TNR: variants seen among roughly 807,000 people sequenced by gnomAD.
TNR encodes the protein tenascin-R.
A neutral mutation model predicts 150.4 loss-of-function variants in TNR; 45 were observed. That is an observed-to-expected ratio of 0.30 (90% CI 0.24 to 0.38). The LOEUF is 0.38. TNR is among the 10% of genes least tolerant of loss of function. TNR has a pLI of 1.00. For synonymous variants in TNR, 687 were observed against 678.4 expected (o/e 1.01, Z -0.20); for missense variants, 1,544 against 1,759.1 (o/e 0.88, Z 2.19).
At chr1:175,560,523 T>A (rs949085336) in intron 1 of TNR, among the ~76,000 whole-genome samples, 1 of 152,226 alleles carries the variant, frequency 6.6e-6, no homozygotes, top group Non-Finnish European at 1.5e-5. Context: ...TAACTAGCAA[T>A]CTGGTGGAAT....
intron 4 of TNR, among the ~76,000 whole-genome samples, chr1:175,399,793 G>A (rs1040862439): frequency 2.6e-5 from 4 of 152,064 alleles, no homozygotes; most frequent in Non-Finnish European, 5.9e-5. Flanking sequence ...GAGGAATCAG[G>A]GTTGCTTATC....
At chr1:175,667,536 T>C (rs947356337) in intron 1 of TNR, among the ~76,000 whole-genome samples, 1 of 152,170 alleles carries the variant, frequency 6.6e-6, no homozygotes, top group African/African-American at 2.4e-5. Flanking sequence ...AGGCCCTTCT[T>C]TGAGGAATTT....
chr1:175,595,175 AT>A (rs371324748), intron 1 of TNR, among the ~76,000 whole-genome samples: 236 of 152,314 alleles, frequency 1.5e-3, no homozygotes, highest in African/African-American at 5.4e-3. Context: ...TCAAAAAAAA[AT>A]TATTTTAGGA....
chr1:175,597,908 C>G (rs1663074775), intron 1 of TNR, among the ~76,000 whole-genome samples: 1 of 152,186 alleles, frequency 6.6e-6, no homozygotes, highest in Non-Finnish European at 1.5e-5. Context: ...CACTAGAGAA[C>G]AGAGAAGGGT....
intron 1 of TNR, among the ~76,000 whole-genome samples, chr1:175,602,068 C>A (rs1446202749): frequency 6.6e-6 from 1 of 152,050 alleles, no homozygotes; most frequent in African/African-American, 2.4e-5. Context: ...GTCAACCAGA[C>A]TCTCCTCTGA....
chr1:175,373,523 T>C (rs145151179), intron 9 of TNR, among the ~76,000 whole-genome samples: 1 of 152,282 alleles, frequency 6.6e-6, no homozygotes, highest in African/African-American at 2.4e-5. Flanking sequence ...TGGGTGTGCA[T>C]GATGTTCAAG....
intron 1 of TNR, among the ~76,000 whole-genome samples, chr1:175,709,309 A>G (rs1666931934): frequency 1.4e-5 from 1 of 70,746 alleles, no homozygotes; most frequent in Non-Finnish European, 2.7e-5. Context: ...ACACACACAT[A>G]CACACACACA....
At position 175,588,872 on chromosome 1, in the gene TNR, G is replaced by A. The variant is rs560180691; in HGVS notation, c.-164-60503C>T. On this transcript the variant is annotated intron_variant, in intron 1 of 22. Coordinates refer to ENST00000367674, the MANE Select transcript of TNR (RefSeq NM_003285.3). ...TTCTGGGCCAGTGCCTCTCCCATGA[G>A]CCCACAGTAATGCCTTAACTGGGAA... 2.4e-4 allele frequency among the ~76,000 whole-genome samples: 37 copies of A among 152,232 alleles called. No individual in the cohort carries two copies. In the East Asian group the frequency reaches 7.0e-3, roughly 29 times the overall value.
chr1:175,678,054 A>T (rs1011165197), intron 1 of TNR, among the ~76,000 whole-genome samples: 3 of 151,964 alleles, frequency 2.0e-5, no homozygotes, highest in Non-Finnish European at 2.9e-5. Flanking sequence ...ATGGGCATCA[A>T]TTATAAGACT....
At chr1:175,403,057 C>A in intron 4 of TNR, 83 bp downstream of exon 4, 1 of 1,210,790 alleles carries the variant, frequency 8.3e-7, no homozygotes, top group Non-Finnish European at 1.2e-6. Context: ...TCTCACTCAT[C>A]TTTCTTCCCA....
At chr1:175,335,630 A>C in intron 20 of TNR, 81 bp downstream of exon 20, 2 of 1,369,184 alleles carry the variant, frequency 1.5e-6, no homozygotes, top group Non-Finnish European at 2.0e-6. Context: ...GTTTCTGATA[A>C]TCTCAGATGG....
At chr1:175,474,177 GT>G (rs1382998617) in intron 2 of TNR, among the ~76,000 whole-genome samples, 6 of 152,174 alleles carry the variant, frequency 3.9e-5, no homozygotes, top group Non-Finnish European at 4.4e-5. Context: ...GAAGACACCA[GT>G]TATGGGCTAA....
intron 8 of TNR, among the ~76,000 whole-genome samples, chr1:175,381,087 C>T (rs890157493): frequency 1.3e-5 from 2 of 152,196 alleles, no homozygotes; most frequent in African/African-American, 4.8e-5. Context: ...ACTCACTGTA[C>T]TTTAGCTTGC....
intron 2 of TNR, among the ~76,000 whole-genome samples, chr1:175,455,927 T>C (rs2102098903): frequency 6.6e-6 from 1 of 152,290 alleles, no homozygotes; most frequent in South Asian, 2.1e-4. Flanking sequence ...ACTGGGGTGC[T>C]TTGAGAGTGA....
intron 6 of TNR, among the ~76,000 whole-genome samples, chr1:175,392,427 C>T (rs183842030): frequency 6.6e-6 from 1 of 152,314 alleles, no homozygotes; most frequent in East Asian, 1.9e-4. Flanking sequence ...ACCATGTGGC[C>T]ATGCATTTGA....
At chr1:175,673,191 T>G (rs549044760) in intron 1 of TNR, among the ~76,000 whole-genome samples, 1 of 152,322 alleles carries the variant, frequency 6.6e-6, no homozygotes, top group Non-Finnish European at 1.5e-5. Flanking sequence ...AAAGGCAGAA[T>G]GGGACGTTTC....
At chr1:175,596,282 G>T in intron 1 of TNR, among the ~76,000 whole-genome samples, 1 of 152,170 alleles carries the variant, frequency 6.6e-6, no homozygotes, top group East Asian at 1.9e-4. Flanking sequence ...AGGAGCTGGA[G>T]CTGAGGAGTG....
chr1:175,615,968 T>C (rs1289132569), intron 1 of TNR, among the ~76,000 whole-genome samples: 1 of 152,228 alleles, frequency 6.6e-6, no homozygotes, highest in Non-Finnish European at 1.5e-5. Flanking sequence ...GTAATGTAGG[T>C]AGATATTAAA....
At chr1:175,488,473 A>T (rs1028915192) in intron 2 of TNR, among the ~76,000 whole-genome samples, 3 of 152,212 alleles carry the variant, frequency 2.0e-5, no homozygotes, top group Non-Finnish European at 4.4e-5. Flanking sequence ...GGAGGGGAAT[A>T]GATTCAATAC....
Sources: gnomAD v4.1 joint callset for allele counts (sites outside exome capture counted in the v4.1 genomes callset) on GRCh38, gnomAD v4.1.1 for gene constraint, MANE v1.5 for transcripts, NCBI Gene and HGNC (gene_info 2026-07-23, HGNC 2026-07-21) for gene names.